FCHSD2: variants seen among roughly 807,000 people sequenced by gnomAD.
FCHSD2 encodes FCH and double SH3 domains 2, also known as F-BAR and double SH3 domains protein 2.
FCHSD2 carries 38 observed loss-of-function variants against 108.1 expected under a neutral mutation model. That is an observed-to-expected ratio of 0.35 (90% confidence interval 0.27 to 0.46). The LOEUF (loss-of-function observed/expected upper bound fraction) is 0.46, where lower values mean the gene tolerates loss of function less well. FCHSD2 is among the 20% of genes least tolerant of loss of function. The pLI is 1.00. For synonymous variants in FCHSD2, 279 were observed against 314.7 expected, an observed-to-expected ratio of 0.89 and a Z score of 1.20; for missense variants, 751 against 897.8, an observed-to-expected ratio of 0.84 and a Z score of 2.09.
At chr11:72,912,932 G>T (rs1855792657) in intron 9 of FCHSD2, among the ~76,000 whole-genome samples, 1 of 152,108 alleles carries the variant, frequency 6.6e-6, no homozygotes, top group Non-Finnish European at 1.5e-5. Context: ...CAGTTTAATT[G>T]ACCCATGGTT....
At chr11:72,934,266 C>T (rs1440698380) in intron 8 of FCHSD2, among the ~76,000 whole-genome samples, 1 of 151,484 alleles carries the variant, frequency 6.6e-6, no homozygotes, top group Non-Finnish European at 1.5e-5. Flanking sequence ...ATGTTCTTTA[C>T]ACTTGTTTAA....
chr11:72,938,262 C>CA (rs1856344417), intron 8 of FCHSD2, among the ~76,000 whole-genome samples: 1 of 150,722 alleles, frequency 6.6e-6, no homozygotes, highest in Non-Finnish European at 1.5e-5. Context: ...CGGCTCACTG[C>CA]AACCTCTGTC....
intron 19 of FCHSD2, among the ~76,000 whole-genome samples, chr11:72,839,287 T>C (rs1860830111): frequency 6.6e-6 from 1 of 152,196 alleles, no homozygotes; most frequent in African/African-American, 2.4e-5. Context: ...TGTTAAACCA[T>C]GTTTAAACAT....
At chr11:72,959,149 T>C (rs904296710) in intron 8 of FCHSD2, among the ~76,000 whole-genome samples, 7 of 151,162 alleles carry the variant, frequency 4.6e-5, no homozygotes, top group African/African-American at 1.7e-4. Context: ...TCAATACTCT[T>C]TACCCATTTT....
Position 72,837,223 on chromosome 11 carries a change from A to C in FCHSD2, c.*1568T>G, listed in dbSNP as rs1189630986. On this transcript the variant is annotated 3_prime_UTR_variant, in exon 20 of 20. Transcript: ENST00000409418. ...CCTCAAATAGATCAACAGGTTAAGAAGTGTAAAAAACAACAACGAAAAAAA... is the reference window on the plus strand; with the variant it reads ...CCTCAAATAGATCAACAGGTTAAGACGTGTAAAAAACAACAACGAAAAAAA... The C allele has an allele frequency of 6.6e-6, 1 of 152,526 alleles. No homozygotes were observed. Among genetic ancestry groups the C allele is most frequent in the Non-Finnish European group, 1.5e-5 (1 of 68,036 alleles). 9.4% of individuals were successfully genotyped at this position (152,526 alleles called of 1,614,324 possible).
intron 8 of FCHSD2, among the ~76,000 whole-genome samples, chr11:72,959,853 G>GT: frequency 6.9e-6 from 1 of 145,810 alleles, no homozygotes; most frequent in Non-Finnish European, 1.5e-5. Flanking sequence ...AAGTTTCTAG[G>GT]GTGTGTGTGT....
At chr11:73,096,699 CACT>C (rs2135528097) in intron 2 of FCHSD2, among the ~76,000 whole-genome samples, 1 of 152,062 alleles carries the variant, frequency 6.6e-6, no homozygotes, top group Admixed American at 6.5e-5. Flanking sequence ...AGTCTTTCAC[CACT>C]GAGTACGATG....
At chr11:73,099,899 C>T (rs1451458339) in intron 2 of FCHSD2, among the ~76,000 whole-genome samples, 1 of 152,258 alleles carries the variant, frequency 6.6e-6, no homozygotes, top group Non-Finnish European at 1.5e-5. Flanking sequence ...ACTTTCGGCA[C>T]TTGCCTCTGC....
chr11:73,085,604 C>T (rs776666248), intron 2 of FCHSD2, among the ~76,000 whole-genome samples: 1 of 152,056 alleles, frequency 6.6e-6, no homozygotes, highest in Non-Finnish European at 1.5e-5. Context: ...AAAGTCACCA[C>T]ACAAACCCAC....
chr11:72,878,421 T>C (rs1855014040), intron 12 of FCHSD2, among the ~76,000 whole-genome samples: 1 of 152,152 alleles, frequency 6.6e-6, no homozygotes, highest in South Asian at 2.1e-4. Context: ...CTTAGAACAA[T>C]AAGCACCTTC....
chr11:72,850,032 AT>A, intron 13 of FCHSD2, 143 bp from the exon 14 acceptor site: 1 of 452,050 alleles, frequency 2.2e-6, no homozygotes, highest in Non-Finnish European at 3.8e-6. Context: ...TCGCACTTAC[AT>A]TTTTCATGTT....
intron 2 of FCHSD2, among the ~76,000 whole-genome samples, chr11:73,088,066 C>T (rs953294626): frequency 6.6e-6 from 1 of 152,112 alleles, no homozygotes; most frequent in South Asian, 2.1e-4. Context: ...TTGTTCCATT[C>T]CTTGCTATGT....
At chr11:73,021,660 C>T (rs1295616917) in intron 3 of FCHSD2, among the ~76,000 whole-genome samples, 12 of 151,946 alleles carry the variant, frequency 7.9e-5, no homozygotes. Flanking sequence ...ACCCCTGTGA[C>T]ATGAGTTTAC....
intron 3 of FCHSD2, among the ~76,000 whole-genome samples, chr11:73,057,822 TG>T (rs375006222): frequency 1.3e-4 from 20 of 151,956 alleles, no homozygotes; most frequent in African/African-American, 4.3e-4. Context: ...CCTCAGTTCT[TG>T]AGGGATCTAA....
chr11:73,025,813 AATCTTAATGTGTT>A (rs1858214651), intron 3 of FCHSD2, among the ~76,000 whole-genome samples: 1 of 152,112 alleles, frequency 6.6e-6, no homozygotes, highest in Non-Finnish European at 1.5e-5. Flanking sequence ...TCAAAAACCA[AATCTTAATGTGTT>A]ATGCTGTATG....
intron 2 of FCHSD2, among the ~76,000 whole-genome samples, chr11:73,121,557 A>C (rs955050767): frequency 6.6e-6 from 1 of 152,200 alleles, no homozygotes; most frequent in African/African-American, 2.4e-5. Flanking sequence ...GCTAAGATTT[A>C]AATGAAATAA....
intron 2 of FCHSD2, among the ~76,000 whole-genome samples, chr11:73,110,994 T>C (rs1184133447): frequency 6.6e-6 from 1 of 152,218 alleles, no homozygotes; most frequent in Non-Finnish European, 1.5e-5. Context: ...ATTATTCTTG[T>C]TATTGATTTC....
intron 2 of FCHSD2, among the ~76,000 whole-genome samples, chr11:73,103,007 A>T (rs949149208): frequency 4.6e-5 from 7 of 152,244 alleles, no homozygotes; most frequent in African/African-American, 1.7e-4. Flanking sequence ...GAAAATGTCA[A>T]ACATAAGTGT....
At chr11:72,985,019 TA>T in intron 7 of FCHSD2, 42 bp downstream of exon 7, 1 of 791,664 alleles carries the variant, frequency 1.3e-6, no homozygotes, top group Non-Finnish European at 2.2e-6. Context: ...TTTTACAAGC[TA>T]AGAGGTTTCT....
Sources: allele counts gnomAD v4.1 joint callset (sites outside exome capture counted in the v4.1 genomes callset), GRCh38; gene constraint gnomAD v4.1.1; transcripts MANE v1.5; gene names NCBI Gene and HGNC (gene_info 2026-07-23, HGNC 2026-07-21).